MARCHF1: variants seen among roughly 807,000 people sequenced by gnomAD.
MARCHF1 encodes the protein membrane associated ring-CH-type finger 1.
A neutral mutation model predicts 54.2 loss-of-function variants in MARCHF1; 40 were observed. The ratio of observed to expected loss-of-function variants is 0.74; its 90% CI spans 0.57 to 0.96. The LOEUF is 0.96. Among genes scored for constraint, MARCHF1 ranks in the 40% least tolerant of loss-of-function variants. The pLI, the probability that MARCHF1 is intolerant of heterozygous loss-of-function variation, is 0.00. For synonymous variants in MARCHF1, 236 were observed against 236.3 expected (o/e 1.00, Z 0.01); for missense variants, 586 against 656.5 (o/e 0.89, Z 1.17).
At chr4:164,042,110 G>A (rs1424304553) in intron 2 of MARCHF1, among the ~76,000 whole-genome samples, 2 of 152,042 alleles carry the variant, frequency 1.3e-5, no homozygotes, top group Admixed American at 6.6e-5. Flanking sequence ...CTAAAAGACT[G>A]AATATGTTTA....
chr4:164,003,193 T>A (rs1753219074), intron 2 of MARCHF1, among the ~76,000 whole-genome samples: 1 of 151,614 alleles, frequency 6.6e-6, no homozygotes, highest in Non-Finnish European at 1.5e-5. Flanking sequence ...CCATAAAAAA[T>A]TAAATAGATA....
intron 1 of MARCHF1, among the ~76,000 whole-genome samples, chr4:164,368,309 AAG>A (rs1190207283): frequency 6.9e-6 from 1 of 144,628 alleles, no homozygotes; most frequent in Non-Finnish European, 1.5e-5. Context: ...ACAAATGAAA[AAG>A]AAAATAATTT....
At chr4:163,705,343 AG>A (rs1202979899) in intron 4 of MARCHF1, among the ~76,000 whole-genome samples, 1 of 151,778 alleles carries the variant, frequency 6.6e-6, no homozygotes, top group Non-Finnish European at 1.5e-5. Context: ...AAAAACCAGT[AG>A]GAAAAAAAAA....
intron 2 of MARCHF1, among the ~76,000 whole-genome samples, chr4:164,044,392 G>T (rs1754195578): frequency 6.6e-6 from 1 of 152,100 alleles, no homozygotes; most frequent in Non-Finnish European, 1.5e-5. Flanking sequence ...GCAGGAGAGA[G>T]AGAGAGCAAA....
chr4:164,114,225 G>A (rs897117932), intron 1 of MARCHF1, among the ~76,000 whole-genome samples: 5 of 151,660 alleles, frequency 3.3e-5, no homozygotes, highest in Non-Finnish European at 7.4e-5. Context: ...CTAATCTATT[G>A]TTATATGTAT....
chr4:164,202,878 A>G lies in MARCHF1; in HGVS notation c.-322-91216T>C, dbSNP rs1239574273. ...GTGGGACAATATTTTGAGGTAGTCA[A>G]TGTAATGTTTACTCTCTTAGTTCCT... is the stretch of plus-strand genomic sequence containing the variant. On this transcript the variant is annotated intron_variant, in intron 1 of 9. Transcript: ENST00000514618. Among the ~76,000 whole-genome samples, 3 of 152,222 alleles carry G rather than the reference A, an allele frequency of 2.0e-5. No homozygotes were observed. In the East Asian group the frequency reaches 5.8e-4, roughly 29 times the overall value.
At chr4:164,063,840 T>A (rs1399495574) in intron 2 of MARCHF1, among the ~76,000 whole-genome samples, 1 of 152,026 alleles carries the variant, frequency 6.6e-6, no homozygotes, top group African/African-American at 2.4e-5. Flanking sequence ...TTTCTGTATG[T>A]GGTGTAAGAA....
intron 5 of MARCHF1, among the ~76,000 whole-genome samples, chr4:163,669,517 C>T (rs1391311026): frequency 1.3e-5 from 2 of 152,058 alleles, no homozygotes; most frequent in Non-Finnish European, 2.9e-5. Context: ...GTCCTGGACT[C>T]CTACTTCCAA....
At chr4:164,337,750 C>T (rs963224588) in intron 1 of MARCHF1, among the ~76,000 whole-genome samples, 3 of 152,112 alleles carry the variant, frequency 2.0e-5, no homozygotes, top group Non-Finnish European at 4.4e-5. Flanking sequence ...AGTTTATGAC[C>T]ACATGCAGCC....
At chr4:163,679,644 G>A (rs1173541195) in intron 5 of MARCHF1, among the ~76,000 whole-genome samples, 2 of 146,976 alleles carry the variant, frequency 1.4e-5, no homozygotes, top group African/African-American at 2.5e-5. Context: ...ATGGAGTCTC[G>A]CTCTGTTGCC....
intron 4 of MARCHF1, among the ~76,000 whole-genome samples, chr4:163,753,823 G>T (rs964510878): frequency 6.6e-6 from 1 of 152,116 alleles, no homozygotes; most frequent in Admixed American, 6.5e-5. Flanking sequence ...TGGGAACACT[G>T]AGCAATATCA....
At chr4:163,754,856 G>A (rs982605839) in intron 4 of MARCHF1, among the ~76,000 whole-genome samples, 2 of 152,056 alleles carry the variant, frequency 1.3e-5, no homozygotes, top group Non-Finnish European at 2.9e-5. Context: ...GGACCCTGAA[G>A]GCAAATAGAA....
chr4:164,299,214 T>C (rs1490849223), intron 1 of MARCHF1, among the ~76,000 whole-genome samples: 1 of 152,150 alleles, frequency 6.6e-6, no homozygotes, highest in Non-Finnish European at 1.5e-5. Context: ...TTCCTTCCAT[T>C]AGAGCTTTCT....
chr4:164,137,021 C>A (rs1756416790), intron 1 of MARCHF1, among the ~76,000 whole-genome samples: 1 of 151,928 alleles, frequency 6.6e-6, no homozygotes, highest in Non-Finnish European at 1.5e-5. Context: ...TTTGTTAGGC[C>A]CCAAAGGATT....
intron 5 of MARCHF1, among the ~76,000 whole-genome samples, chr4:163,653,200 C>T (rs748960384): frequency 6.6e-5 from 10 of 151,724 alleles, no homozygotes; most frequent in Non-Finnish European, 1.3e-4. Flanking sequence ...ACAGTGAGTG[C>T]TCTTGTAAGT....
chr4:163,966,542 T>G (rs1354072830), intron 3 of MARCHF1, among the ~76,000 whole-genome samples: 1 of 152,100 alleles, frequency 6.6e-6, no homozygotes, highest in Non-Finnish European at 1.5e-5. Flanking sequence ...CAATAAACAA[T>G]GCTTCCCACA....
At chr4:163,986,763 T>G (rs1752878931) in intron 3 of MARCHF1, among the ~76,000 whole-genome samples, 1 of 152,226 alleles carries the variant, frequency 6.6e-6, no homozygotes, top group African/African-American at 2.4e-5. Flanking sequence ...TTCATTATTA[T>G]TTCTAACATG....
intron 1 of MARCHF1, among the ~76,000 whole-genome samples, chr4:164,138,107 GGAGT>G (rs1756440112): frequency 6.6e-6 from 1 of 152,126 alleles, no homozygotes. Flanking sequence ...GCTGTTGGGA[GGAGT>G]GAGAGTATTT....
Position 163,684,560 on chromosome 4 carries a change from A to G in MARCHF1, c.162+16253T>C, listed in dbSNP as rs149953437. On this transcript the variant is annotated intron_variant, in intron 5 of 9. Transcript: ENST00000514618. ...TCATCTCTATTTTATTCTGTATTTC[A>G]TTTCTAATTTTATCTGATAACTCCT... Among the ~76,000 whole-genome samples the G allele has an allele frequency of 5.4e-3, 822 of 152,268 alleles. 11 individuals are homozygous for G. The highest frequency in any genetic ancestry group is 0.019 in the African/African-American group (795 of 41,554).
Sources: allele counts gnomAD v4.1 joint callset (sites outside exome capture counted in the v4.1 genomes callset), GRCh38; gene constraint gnomAD v4.1.1; transcripts MANE v1.5; gene names NCBI Gene and HGNC (gene_info 2026-07-23, HGNC 2026-07-21).